The following CHLSN variants were observed in gnomAD, a reference collection of about 807,000 sequenced individuals.
CHLSN encodes cholesin, also known as protein cholesin.
At chr7:1,008,895 C>CACACATGT in the CHLSN span, among the ~76,000 whole-genome samples, 2,281 of 70,328 alleles carry the variant, frequency 0.032, 60 homozygotes, top group African/African-American at 0.17. Flanking sequence ...TATACACATG[C>CACACATGT]ACACACGTAC....
chr7:1,120,255 C>A, the CHLSN span, among the ~76,000 whole-genome samples: 1 of 152,250 alleles, frequency 6.6e-6, no homozygotes, highest in Admixed American at 6.5e-5. Flanking sequence ...CACGTGTCGA[C>A]CAGTGTGTGG....
chr7:1,016,782 A>G, the CHLSN span, among the ~76,000 whole-genome samples: 5 of 63,536 alleles, frequency 7.9e-5, no homozygotes, highest in Admixed American at 3.3e-4. Context: ...ACAGCAGCGC[A>G]CAGCACACAG....
the CHLSN span, among the ~76,000 whole-genome samples, chr7:1,130,790 G>A: frequency 6.6e-6 from 1 of 152,206 alleles, no homozygotes; most frequent in Non-Finnish European, 1.5e-5. Context: ...CACGCGGCAT[G>A]CACGCTGCTT....
At chr7:987,782 G>C in the CHLSN span, among the ~76,000 whole-genome samples, 1 of 152,128 alleles carries the variant, frequency 6.6e-6, no homozygotes, top group Non-Finnish European at 1.5e-5. Flanking sequence ...GTGTCCTGTG[G>C]GCATCCCTGT....
chr7:994,899 T>G, the CHLSN span, among the ~76,000 whole-genome samples: 85 of 152,388 alleles, frequency 5.6e-4, no homozygotes, highest in African/African-American at 1.9e-3. Context: ...ATGCCCACGC[T>G]AAGTTTGGCC....
the CHLSN span, among the ~76,000 whole-genome samples, chr7:1,111,641 A>T: frequency 6.6e-6 from 1 of 152,156 alleles, no homozygotes; most frequent in Admixed American, 6.5e-5. Context: ...CCCTACAAAA[A>T]ATACAAAATT....
At chr7:1,059,682 CGTAGTGGGGCGGGTCT>C in the CHLSN span, among the ~76,000 whole-genome samples, 1 of 19,208 alleles carries the variant, frequency 5.2e-5, no homozygotes, top group Non-Finnish European at 1.0e-4. Flanking sequence ...GAGGCGGGTC[CGTAGTGGGGCGGGTCT>C]GTAGTGAGGT....
the CHLSN span, chr7:1,009,983 G>A: frequency 1.1e-5 from 18 of 1,583,554 alleles, no homozygotes; most frequent in African/African-American, 5.4e-5. Context: ...TTCGGCCCCC[G>A]AGCGCCTGGC....
the CHLSN span, among the ~76,000 whole-genome samples, chr7:1,083,638 CAAAAAAAACA>C: frequency 1.4e-5 from 2 of 145,356 alleles, no homozygotes; most frequent in South Asian, 2.2e-4. Flanking sequence ...AAAAAAAAAA[CAAAAAAAACA>C]AAAAAAAACA....
At chr7:1,099,640 A>C in the CHLSN span, among the ~76,000 whole-genome samples, 1 of 127,574 alleles carries the variant, frequency 7.8e-6, no homozygotes, top group South Asian at 2.7e-4. Flanking sequence ...AGCTGAACTG[A>C]CTGAGTCTCT....
At chr7:984,615 G>C in the CHLSN span, 2 of 1,535,862 alleles carry the variant, frequency 1.3e-6, no homozygotes, top group Non-Finnish European at 1.7e-6. Flanking sequence ...CTGGGTGTGG[G>C]GGCACCTGGA....
the CHLSN span, among the ~76,000 whole-genome samples, chr7:1,104,464 G>A: frequency 6.6e-6 from 1 of 152,300 alleles, no homozygotes; most frequent in South Asian, 2.1e-4. Flanking sequence ...TGAGAGGCCG[G>A]TGGCTCCAAG....
At chr7:1,005,341 T>C in the CHLSN span, among the ~76,000 whole-genome samples, 1 of 152,058 alleles carries the variant, frequency 6.6e-6, no homozygotes, top group Non-Finnish European at 1.5e-5. Flanking sequence ...TGAACCCCCT[T>C]CCAAAAGAAA....
chr7:1,127,260 G>A, the CHLSN span: 1 of 1,597,008 alleles, frequency 6.3e-7, no homozygotes, highest in Non-Finnish European at 8.5e-7. Context: ...GCCTTACCTT[G>A]GAGCCGGCTC....
the CHLSN span, chr7:985,249 C>T: frequency 5.8e-6 from 9 of 1,552,054 alleles, no homozygotes; most frequent in East Asian, 9.7e-5. Context: ...ATTTGACTAC[C>T]GGGACCCCGT....
the CHLSN span, among the ~76,000 whole-genome samples, chr7:1,095,997 G>A: frequency 6.6e-4 from 100 of 152,312 alleles, no homozygotes; most frequent in African/African-American, 2.2e-3. Context: ...TGGGAACTGC[G>A]TCTGAACAGA....
chr7:1,059,320 A>T, the CHLSN span: 1 of 157,078 alleles, frequency 6.4e-6, no homozygotes, highest in African/African-American at 2.4e-5. Flanking sequence ...AGAGGGCTGG[A>T]GGCTGTGTCA....
the CHLSN span, chr7:1,092,234 G>A: frequency 6.2e-6 from 10 of 1,612,472 alleles, no homozygotes; most frequent in South Asian, 2.2e-5. Context: ...AGCCTGTTCC[G>A]CACCAAGCAC....
chr7:1,080,797 G>A, the CHLSN span: 1 of 152,290 alleles, frequency 6.6e-6, no homozygotes. Flanking sequence ...CTCGGCTGCA[G>A]AGGGTCACGG....
Sources: gnomAD v4.1 joint callset for allele counts (sites outside exome capture counted in the v4.1 genomes callset) on GRCh38, gnomAD v4.1.1 for gene constraint, MANE v1.5 for transcripts, NCBI Gene and HGNC (gene_info 2026-07-23, HGNC 2026-07-21) for gene names.